The following GCH1 variants were observed in gnomAD, a reference collection of about 807,000 sequenced individuals.
GCH1 encodes GTP cyclohydrolase I.
Under a neutral mutation model 25.9 loss-of-function variants are expected in GCH1, and 5 were observed. That is an observed-to-expected ratio of 0.19 (90% CI 0.10 to 0.41). The LOEUF is 0.41. Among genes scored for constraint, GCH1 ranks in the 10% least tolerant of loss-of-function variants. The pLI, the probability that GCH1 is intolerant of heterozygous loss-of-function variation, is 1.00. For missense variants in GCH1, 261 were observed against 336.5 expected, an observed-to-expected ratio of 0.78 and a Z score of 1.75; for synonymous variants, 159 against 129.6, an observed-to-expected ratio of 1.23 and a Z score of -1.54.
At chr14:54,889,989 T>C (rs950344855) in intron 1 of GCH1, among the ~76,000 whole-genome samples, 1 of 152,202 alleles carries the variant, frequency 6.6e-6, no homozygotes, top group African/African-American at 2.4e-5. Context: ...CAAGTGTTTT[T>C]TGCAAGGAAA....
Position 54,844,102 on chromosome 14 carries a change from C to G in GCH1, c.668G>C (p.Ser223Thr), listed in dbSNP as rs1398975958. 1.2e-6 allele frequency: 2 copies of G among 1,613,994 alleles called. No individual in the cohort carries two copies. The highest frequency in any genetic ancestry group is 1.1e-5 in the South Asian group (1 of 91,084). ...MVMRGVQKMN[S>T]KTVTSTMLGV... is the part of the protein sequence containing the mutation. ...CAACATTGTGCTGGTCACAGTTTTG[C>G]TGTTCATTTTCTGTACACCTCGCAT... Residue 223 changes from serine to threonine, a missense_variant, in exon 6 of 6, where the codon AGC becomes ACC. Transcript: ENST00000491895.
At chr14:54,880,486 T>TATATATATATACTCC (rs1161730704) in intron 1 of GCH1, among the ~76,000 whole-genome samples, 7 of 110,760 alleles carry the variant, frequency 6.3e-5, no homozygotes, top group Admixed American at 3.9e-4. Flanking sequence ...ATACACTCCA[T>TATATATATATACTCC]ATATATATAT....
chr14:54,855,721 G>T (rs1009020922), intron 3 of GCH1, among the ~76,000 whole-genome samples: 31 of 151,788 alleles, frequency 2.0e-4, no homozygotes, highest in Admixed American at 5.2e-4. Context: ...GGCTGAGGCA[G>T]GAGAATCACT....
intron 1 of GCH1, among the ~76,000 whole-genome samples, chr14:54,894,879 C>T (rs1017681404): frequency 6.6e-6 from 1 of 152,162 alleles, no homozygotes; most frequent in African/African-American, 2.4e-5. Context: ...GTGAGCTACA[C>T]ATCTAAAATA....
Position 54,843,928 on chromosome 14 carries a change from TGAAAATG to T in GCH1, c.*82_*88del. The T allele has an allele frequency of 6.2e-7, 1 of 1,613,060 alleles. No homozygotes were observed. The highest frequency in any genetic ancestry group is 1.8e-4 in the Middle Eastern group (1 of 5,626). ...GAATAAAGTTCACATCTGTAACAATTGAAAATGGAATGTACAAACAAGACCGGACAGA... is the reference window on the plus strand; with the variant it reads ...GAATAAAGTTCACATCTGTAACAATTGAATGTACAAACAAGACCGGACAGA... On this transcript the variant is annotated 3_prime_UTR_variant, in exon 6 of 6. Transcript: ENST00000491895.
At chr14:54,862,884 G>A (rs1378633719) in intron 2 of GCH1, among the ~76,000 whole-genome samples, 3 of 152,020 alleles carry the variant, frequency 2.0e-5, no homozygotes, top group Non-Finnish European at 4.4e-5. Flanking sequence ...TGAACAGCTG[G>A]CCTATTTTCT....
rs1227711687 is a variant in GCH1 at position 54,869,186 on chromosome 14, G to C, written c.344-3750C>G. Among the ~76,000 whole-genome samples, 3 of 150,070 alleles carry C rather than the reference G, an allele frequency of 2.0e-5. No individual in the cohort carries two copies. The East Asian group carries it at 6.1e-4, about 31-fold the overall frequency. On this transcript the variant is annotated intron_variant, in intron 1 of 5. Transcript: ENST00000491895. Reference sequence around the variant, plus strand: ...CCCGAGTAGCTGGGACTACAGGCACGTGCCACCAAACTCAGCTAATTTTTT... The same window carrying C: ...CCCGAGTAGCTGGGACTACAGGCACCTGCCACCAAACTCAGCTAATTTTTT...
intron 1 of GCH1, among the ~76,000 whole-genome samples, chr14:54,868,570 C>G (rs777685475): frequency 1.3e-5 from 2 of 151,940 alleles, no homozygotes; most frequent in Non-Finnish European, 2.9e-5. Context: ...AGTATTGTAC[C>G]AATATTACTT....
chr14:54,891,000 ACCATCTACAGTT>A (rs2040415387), intron 1 of GCH1, among the ~76,000 whole-genome samples: 1 of 152,190 alleles, frequency 6.6e-6, no homozygotes, highest in South Asian at 2.1e-4. Context: ...ACTCATAGAG[ACCATCTACAGTT>A]CCACTTTTCA....
chr14:54,901,231 G>A (rs2040561835), intron 1 of GCH1, among the ~76,000 whole-genome samples: 1 of 152,270 alleles, frequency 6.6e-6, no homozygotes, highest in African/African-American at 2.4e-5. Flanking sequence ...CCTTTCCAGC[G>A]CACTGTTTTT....
chr14:54,850,007 C>T lies in GCH1; in HGVS notation c.510-2877G>A, dbSNP rs531809262. ...GTTTGTTTTTTGGCACGGAGTCTTG[C>T]TCTGTTGCCCAGGCTGGAGTGCAGC... On this transcript the variant is annotated intron_variant, in intron 3 of 5. Transcript: ENST00000491895. Among the ~76,000 whole-genome samples the T allele has an allele frequency of 6.6e-5, 10 of 152,208 alleles. No homozygotes were observed. The South Asian group carries it at 2.1e-3, about 32-fold the overall frequency.
intron 1 of GCH1, among the ~76,000 whole-genome samples, chr14:54,888,080 G>C (rs1732501121): frequency 6.6e-6 from 1 of 152,156 alleles, no homozygotes; most frequent in Non-Finnish European, 1.5e-5. Flanking sequence ...TTAAATAAAG[G>C]CTCTGTCTAA....
chr14:54,857,893 T>C (rs1314759904), intron 3 of GCH1, among the ~76,000 whole-genome samples: 1 of 152,232 alleles, frequency 6.6e-6, no homozygotes, highest in Non-Finnish European at 1.5e-5. Flanking sequence ...TCTGGATTTG[T>C]GCTAAGAGCC....
chr14:54,845,800 C>A lies in GCH1; in HGVS notation c.594G>T (p.Arg198=). The A allele has an allele frequency of 6.2e-7, 1 of 1,609,950 alleles. No individual in the cohort carries two copies. The highest frequency in any genetic ancestry group is 1.7e-4 in the Middle Eastern group (1 of 6,052). Residue 198 remains arginine, a synonymous_variant, in exon 5 of 6, where the codon CGG becomes CGT. Transcript: ENST00000491895. ...CAACCACTACCCCGACTCCAGCAGG[C>A]CGCAAGGCTTCCGTGATTGCTACAG... The part of the protein sequence containing the change: ...QIAVAITEAL[R]PAGVGVVVEA...
chr14:54,900,295 C>A (rs557199598), intron 1 of GCH1, among the ~76,000 whole-genome samples: 1 of 152,146 alleles, frequency 6.6e-6, no homozygotes, highest in East Asian at 1.9e-4. Flanking sequence ...CTGCAACCTC[C>A]TCCTCCTGGG....
chr14:54,898,462 CAT>C (rs1049864529), intron 1 of GCH1, among the ~76,000 whole-genome samples: 16 of 152,264 alleles, frequency 1.1e-4, no homozygotes, highest in South Asian at 6.2e-4. Context: ...CTACACTAAA[CAT>C]ATTTTTTCTT....
intron 1 of GCH1, among the ~76,000 whole-genome samples, chr14:54,879,964 G>A (rs1282912314): frequency 4.8e-5 from 6 of 125,462 alleles, no homozygotes; most frequent in South Asian, 2.8e-4. Context: ...CAGCCTGGGT[G>A]ACAGAGTAAG....
intron 1 of GCH1, among the ~76,000 whole-genome samples, chr14:54,881,545 G>A (rs1389335433): frequency 6.6e-6 from 1 of 152,128 alleles, no homozygotes; most frequent in East Asian, 1.9e-4. Flanking sequence ...TACTTACCAA[G>A]ACAGAATTTG....
chr14:54,875,069 A>G (rs2040138141), intron 1 of GCH1, among the ~76,000 whole-genome samples: 1 of 152,172 alleles, frequency 6.6e-6, no homozygotes, highest in Non-Finnish European at 1.5e-5. Context: ...CTGACTTCAA[A>G]CTATACTACA....
Sources: allele counts gnomAD v4.1 joint callset (sites outside exome capture counted in the v4.1 genomes callset), GRCh38; gene constraint gnomAD v4.1.1; transcripts MANE v1.5; gene names NCBI Gene and HGNC (gene_info 2026-07-23, HGNC 2026-07-21).